The following LINGO2 variants were observed in gnomAD, a reference collection of about 807,000 sequenced individuals.
LINGO2 encodes leucine rich repeat and Ig domain containing 2, also known as leucine-rich repeat and immunoglobulin-like domain-containing nogo receptor-interacting protein 2.
A neutral mutation model predicts 30.6 loss-of-function variants in LINGO2; 14 were observed. The ratio of observed to expected loss-of-function variants is 0.46; its 90% CI spans 0.30 to 0.72. The LOEUF (loss-of-function observed/expected upper bound fraction) is 0.72, where lower values mean the gene tolerates loss of function less well. Among genes scored for constraint, LINGO2 ranks in the 30% least tolerant of loss-of-function variants. The pLI, the probability that LINGO2 is intolerant of heterozygous loss-of-function variation, is 0.07. For synonymous variants in LINGO2, 317 were observed against 288.5 expected, an observed-to-expected ratio of 1.10 and a Z score of -1.00; for missense variants, 729 against 751.7, an observed-to-expected ratio of 0.97 and a Z score of 0.35.
At chr9:28,045,271 A>C (rs1824367445) in intron 4 of LINGO2, among the ~76,000 whole-genome samples, 1 of 152,130 alleles carries the variant, frequency 6.6e-6, no homozygotes, top group Non-Finnish European at 1.5e-5. Flanking sequence ...TCAGTCACCC[A>C]AGGGACTATT....
the LINGO2 span, among the ~76,000 whole-genome samples, chr9:28,876,558 T>C: frequency 1.5e-3 from 229 of 152,302 alleles, 4 homozygotes; most frequent in African/African-American, 5.2e-3. Context: ...ATTTCATCTA[T>C]GTCCCTACAA....
At chr9:28,356,605 G>T (rs149214052) in intron 3 of LINGO2, among the ~76,000 whole-genome samples, 7 of 152,096 alleles carry the variant, frequency 4.6e-5, no homozygotes, top group Non-Finnish European at 7.4e-5. Flanking sequence ...ACAATCCTAA[G>T]CAAAACGTTT....
At chr9:28,074,427 T>G (rs1388912242) in intron 4 of LINGO2, among the ~76,000 whole-genome samples, 1 of 152,188 alleles carries the variant, frequency 6.6e-6, no homozygotes, top group Non-Finnish European at 1.5e-5. Flanking sequence ...CTGCAGACCT[T>G]TATTGGATCA....
At position 28,377,631 on chromosome 9, in the gene LINGO2, T is replaced by C. The variant is rs138353795; in HGVS notation, c.-278-4763A>G. On this transcript the variant is annotated intron_variant, in intron 2 of 5. Coordinates refer to ENST00000379992, the Ensembl canonical transcript of LINGO2. ...TGTACACACATGTCTATATATCCTATAAAATGTATCTCAGCACTCATTCCA... is the reference window on the plus strand; with the variant it reads ...TGTACACACATGTCTATATATCCTACAAAATGTATCTCAGCACTCATTCCA... 5.5e-3 allele frequency among the ~76,000 whole-genome samples: 839 copies of C among 152,288 alleles called. 4 individuals are homozygous for C. The highest frequency in any genetic ancestry group is 0.012 in the East Asian group (64 of 5,182).
the LINGO2 span, among the ~76,000 whole-genome samples, chr9:29,150,586 C>T: frequency 1.3e-5 from 2 of 152,120 alleles, no homozygotes; most frequent in African/African-American, 2.4e-5. Flanking sequence ...AATTGAATGT[C>T]TGGAACTGAA....
chr9:28,866,898 C>T, the LINGO2 span, among the ~76,000 whole-genome samples: 2 of 152,126 alleles, frequency 1.3e-5, no homozygotes, highest in Non-Finnish European at 2.9e-5. Context: ...AAAGTATAAA[C>T]AGAAATTTAT....
intron 1 of LINGO2, among the ~76,000 whole-genome samples, chr9:28,643,523 G>A (rs1167913425): frequency 6.6e-6 from 1 of 151,940 alleles, no homozygotes; most frequent in East Asian, 1.9e-4. Context: ...CTCACCACAT[G>A]CAAAAATAAA....
At chr9:28,660,953 G>A (rs554488771) in intron 1 of LINGO2, among the ~76,000 whole-genome samples, 8 of 152,164 alleles carry the variant, frequency 5.3e-5, no homozygotes, top group Admixed American at 5.2e-4. Context: ...AACTAAACCT[G>A]GGGCAAATCT....
Position 28,433,672 on chromosome 9 carries a change from C to T in LINGO2, c.-279+42268G>A, listed in dbSNP as rs548155841. 4.6e-5 allele frequency among the ~76,000 whole-genome samples: 7 copies of T among 152,068 alleles called. No individual in the cohort carries two copies. In the South Asian group the frequency reaches 1.0e-3, roughly 23 times the overall value. ...GTGAAAAGGGAACACTTTTACACTG[C>T]TTGTGGGAATGTACATTAGTACAAC... On this transcript the variant is annotated intron_variant, in intron 2 of 5. Coordinates refer to ENST00000379992, the Ensembl canonical transcript of LINGO2.
the LINGO2 span, among the ~76,000 whole-genome samples, chr9:28,779,420 G>C: frequency 9.3e-4 from 141 of 152,200 alleles, 1 homozygote; most frequent in African/African-American, 3.3e-3. Flanking sequence ...AGTTCAGATT[G>C]CAAAACATCT....
chr9:28,295,174 T>C (rs975934470), intron 4 of LINGO2, 34 bp downstream of exon 6: 1 of 152,504 alleles, frequency 6.6e-6, no homozygotes, highest in Non-Finnish European at 1.5e-5. Context: ...TTAGAGCAAG[T>C]AATAAATGAT....
At chr9:28,920,175 G>C in the LINGO2 span, among the ~76,000 whole-genome samples, 1 of 152,022 alleles carries the variant, frequency 6.6e-6, no homozygotes, top group South Asian at 2.1e-4. Flanking sequence ...CCTCTACACA[G>C]GTGGTTACAG....
chr9:28,174,774 G>T (rs80095685), intron 4 of LINGO2, among the ~76,000 whole-genome samples: 2 of 151,940 alleles, frequency 1.3e-5, no homozygotes, highest in Non-Finnish European at 2.9e-5. Flanking sequence ...ATTATACATC[G>T]AATCCAGTGC....
At chr9:28,005,286 T>C (rs987586442) in intron 5 of LINGO2, among the ~76,000 whole-genome samples, 2 of 152,192 alleles carry the variant, frequency 1.3e-5, no homozygotes, top group Non-Finnish European at 2.9e-5. Flanking sequence ...GTTAAGACCA[T>C]GTGTAGCTGT....
chr9:28,171,080 T>C (rs1486121224), intron 4 of LINGO2, among the ~76,000 whole-genome samples: 2 of 152,242 alleles, frequency 1.3e-5, no homozygotes, highest in Admixed American at 1.3e-4. Context: ...CAACCATCTT[T>C]TATTTTCCAA....
rs1476095842 is a variant in LINGO2 at position 28,129,219 on chromosome 9, C to T, written c.-86-116814G>A. 6.6e-6 allele frequency among the ~76,000 whole-genome samples: 1 copy of T among 152,146 alleles called. No individual in the cohort carries two copies. The highest frequency in any genetic ancestry group is 1.5e-5 in the Non-Finnish European group (1 of 68,030). ...GCTCCTCAGCTTGCAGGCAGCCTAT[C>T]GTGGGACTTCACCTGGTAATCGTGG... On this transcript the variant is annotated intron_variant, in intron 4 of 5. Transcript: ENST00000379992. This position sits in a 1 kb window ranked among gnomAD's most constrained non-coding sequence, Gnocchi z 4.0.
At chr9:28,579,486 A>G (rs1824156260) in intron 1 of LINGO2, among the ~76,000 whole-genome samples, 1 of 152,158 alleles carries the variant, frequency 6.6e-6, no homozygotes, top group Non-Finnish European at 1.5e-5. Context: ...AATAAAAAAC[A>G]TATAAAAGTC....
intron 2 of LINGO2, among the ~76,000 whole-genome samples, chr9:28,396,269 A>C (rs1408217413): frequency 2.0e-5 from 3 of 152,224 alleles, no homozygotes; most frequent in African/African-American, 7.2e-5. Context: ...GCTATGAATC[A>C]TATGCAAAGT....
chr9:28,665,092 C>G (rs1399147500), intron 1 of LINGO2, among the ~76,000 whole-genome samples: 1 of 143,948 alleles, frequency 6.9e-6, no homozygotes, highest in Non-Finnish European at 1.5e-5. Flanking sequence ...TAAATACATT[C>G]ATGAAAATGT....
Sources: gnomAD v4.1 joint callset for allele counts (sites outside exome capture counted in the v4.1 genomes callset) on GRCh38, gnomAD v4.1.1 for gene constraint, Gnocchi (gnomAD v3.1) non-coding constraint, MANE v1.5 for transcripts, NCBI Gene and HGNC (gene_info 2026-07-23, HGNC 2026-07-21) for gene names.